The following DGKH variants were observed in gnomAD, a reference collection of about 807,000 sequenced individuals.
DGKH encodes DAG kinase eta.
In DGKH, 90 loss-of-function variants were observed where a neutral mutation model predicts 159.3. The ratio of observed to expected loss-of-function variants is 0.57; its 90% CI spans 0.48 to 0.67. The LOEUF (loss-of-function observed/expected upper bound fraction) is 0.67. DGKH is among the 30% of genes least tolerant of loss of function. The probability of loss-of-function intolerance (pLI) is 0.00; values close to 1 mark genes in which losing one functional copy is unlikely to be tolerated. For missense variants in DGKH, 1,181 were observed against 1,506.1 expected, an observed-to-expected ratio of 0.78 and a Z score of 3.57; for synonymous variants, 536 against 553.8, an observed-to-expected ratio of 0.97 and a Z score of 0.45.
At chr13:42,041,683 C>G (rs947198964) in intron 1 of DGKH, among the ~76,000 whole-genome samples, 1 of 152,184 alleles carries the variant, frequency 6.6e-6, no homozygotes, top group Non-Finnish European at 1.5e-5. Context: ...AGGGATTCCA[C>G]CCCGGAATCC....
chr13:42,101,794 A>AG, intron 1 of DGKH, among the ~76,000 whole-genome samples: 2 of 151,674 alleles, frequency 1.3e-5, no homozygotes, highest in African/African-American at 2.4e-5. Flanking sequence ...AGAGAGAGAG[A>AG]AAGAGAGAGA....
At chr13:42,190,602 G>C in intron 16 of DGKH, 77 bp downstream of exon 16, 6 of 1,406,000 alleles carry the variant, frequency 4.3e-6, no homozygotes, top group Non-Finnish European at 1.9e-6. Context: ...AGGCTGATCA[G>C]TTTGAAAAAA....
chr13:42,230,416 T>C lies in DGKH; in HGVS notation c.*1228T>C, dbSNP rs1958258097. The C allele has an allele frequency of 6.6e-6, 1 of 152,172 alleles. No individual in the cohort carries two copies. The allele number at this position is 152,172 out of a possible 1,614,324, so 9.4% of individuals were successfully genotyped here. A position where few individuals can be genotyped will look rare whatever the true frequency, so the allele number is the denominator to read the frequency against. ...TTATTTTCCTTTTTCTAAACCACTG[T>C]ACTTCAGTGTAGCTTATTATTAGAA... On this transcript the variant is annotated 3_prime_UTR_variant, in exon 30 of 30. Coordinates refer to ENST00000337343, the MANE Select transcript of DGKH (RefSeq NM_178009.5).
intron 16 of DGKH, among the ~76,000 whole-genome samples, chr13:42,194,340 C>T (rs1566178524): frequency 2.6e-5 from 4 of 152,110 alleles, no homozygotes; most frequent in Non-Finnish European, 4.4e-5. Flanking sequence ...GCTGTGTTGC[C>T]CAGTCTGGTC....
chr13:42,216,482 T>A (rs1444695009), intron 26 of DGKH: 4 of 152,350 alleles, frequency 2.6e-5, no homozygotes, highest in Non-Finnish European at 4.4e-5. Context: ...AATCTACACC[T>A]AAATAAAAGT....
intron 30 of DGKH, among the ~76,000 whole-genome samples, chr13:42,253,464 GTTTA>G (rs1228403176): frequency 1.3e-5 from 2 of 152,152 alleles, no homozygotes; most frequent in Non-Finnish European, 2.9e-5. Flanking sequence ...TGAAAGAAAT[GTTTA>G]TTTATTTTAT....
intron 1 of DGKH, among the ~76,000 whole-genome samples, chr13:42,125,970 A>G (rs1174633717): frequency 6.6e-6 from 1 of 151,958 alleles, no homozygotes; most frequent in Non-Finnish European, 1.5e-5. Context: ...GGCTCACTAT[A>G]GCACTGTAAC....
At chr13:42,133,961 G>T (rs1955345542) in intron 3 of DGKH, among the ~76,000 whole-genome samples, 1 of 152,130 alleles carries the variant, frequency 6.6e-6, no homozygotes, top group African/African-American at 2.4e-5. Flanking sequence ...AGAGGCTAAT[G>T]GTGCAGTTTG....
chr13:42,160,892 G>A lies in DGKH; in HGVS notation c.855+756G>A, dbSNP rs562762172. On this transcript the variant is annotated intron_variant, in intron 7 of 29. Transcript: ENST00000337343. ...GTATGGTGTAGATCAGCAAATGTAAGAGATGTGTGATGTATTGCTTTCCTA... is the reference window on the plus strand; with the variant it reads ...GTATGGTGTAGATCAGCAAATGTAAAAGATGTGTGATGTATTGCTTTCCTA... Among the ~76,000 whole-genome samples the A allele has an allele frequency of 2.1e-4, 26 of 126,682 alleles. No individual in the cohort carries two copies. In the South Asian group the frequency reaches 5.5e-3, roughly 27 times the overall value. 83.1% of individuals were successfully genotyped at this position (126,682 alleles called of 152,430 possible).
intron 1 of DGKH, among the ~76,000 whole-genome samples, chr13:42,084,809 A>G (rs1245105682): frequency 3.9e-5 from 6 of 152,020 alleles, no homozygotes; most frequent in Admixed American, 3.9e-4. Context: ...CTTTAATGCC[A>G]CCTAGGTTCT....
In DGKH at chr13:42,103,095, A is replaced by C. The variant is rs571063988; in HGVS notation, c.193-24368A>C. On this transcript the variant is annotated intron_variant, in intron 1 of 29. Transcript: ENST00000337343. ...ATTTTTTGCCTCCCTTTCCAGAAGA[A>C]GTCTGCAGTCTGGGATCAGGAGATT... 2.5e-3 allele frequency among the ~76,000 whole-genome samples: 387 copies of C among 152,328 alleles called. 2 individuals are homozygous for C. Among genetic ancestry groups the C allele is most frequent in the African/African-American group, 9.0e-3 (375 of 41,564 alleles).
chr13:42,228,251 A>T (rs909616819), intron 29 of DGKH, among the ~76,000 whole-genome samples: 1 of 152,192 alleles, frequency 6.6e-6, no homozygotes. Flanking sequence ...ACTTATAAGA[A>T]GAAGTTTCTT....
At chr13:42,045,366 G>A (rs559559347), upstream of DGKH, among the ~76,000 whole-genome samples, 3 of 152,252 alleles carry the variant, frequency 2.0e-5, no homozygotes, top group South Asian at 2.1e-4. Flanking sequence ...ACTAGTTAGC[G>A]CTGATAAAAC....
chr13:42,069,665 A>T, intron 1 of DGKH: 1 of 1,230,944 alleles, frequency 8.1e-7, no homozygotes, highest in Non-Finnish European at 1.2e-6. Context: ...TTCCAATTGG[A>T]AAGATCTGTA....
chr13:42,128,804 C>T (rs1955225044), intron 2 of DGKH, among the ~76,000 whole-genome samples: 2 of 152,214 alleles, frequency 1.3e-5, no homozygotes, highest in African/African-American at 2.4e-5. Flanking sequence ...ACAAGTCTTA[C>T]AGTCACATTG....
intron 5 of DGKH, among the ~76,000 whole-genome samples, chr13:42,158,613 G>A (rs2137968204): frequency 6.6e-6 from 1 of 152,076 alleles, no homozygotes. Context: ...AGCCTGTAGT[G>A]ACAACATCAC....
At chr13:42,085,335 A>C (rs1954282422) in intron 1 of DGKH, among the ~76,000 whole-genome samples, 1 of 152,158 alleles carries the variant, frequency 6.6e-6, no homozygotes, top group African/African-American at 2.4e-5. Context: ...CTCTCTCCCC[A>C]AAATGGCCGT....
intron 1 of DGKH, among the ~76,000 whole-genome samples, chr13:42,075,302 G>T (rs1259947939): frequency 6.6e-6 from 1 of 152,070 alleles, no homozygotes; most frequent in African/African-American, 2.4e-5. Flanking sequence ...CTAGAAGATT[G>T]GTGGTGACCA....
chr13:42,242,910 G>A (rs939649691), downstream of DGKH: 5 of 152,202 alleles, frequency 3.3e-5, no homozygotes, highest in African/African-American at 7.2e-5. Context: ...TGAAGTCTAC[G>A]TTGTTTCTGG....
Sources: gnomAD v4.1 joint callset for allele counts (sites outside exome capture counted in the v4.1 genomes callset) on GRCh38, gnomAD v4.1.1 for gene constraint, MANE v1.5 for transcripts, NCBI Gene and HGNC (gene_info 2026-07-23, HGNC 2026-07-21) for gene names.